Variants in CYFIP1 observed in about 807,000 individuals in gnomAD.
CYFIP1 encodes cytoplasmic FMR1 interacting protein 1, also known as cytoplasmic FMR1-interacting protein 1.
In CYFIP1, 58 loss-of-function variants were observed where a neutral mutation model predicts 163.5. The observed-to-expected ratio is 0.35, with a 90% confidence interval of 0.29 to 0.44. The LOEUF is 0.44. Ranked by LOEUF, CYFIP1 falls within the 20% of genes least tolerant of loss-of-function variation. CYFIP1 has a pLI of 1.00. For synonymous variants in CYFIP1, 663 were observed against 660.7 expected, an observed-to-expected ratio of 1.00 and a Z score of -0.05; for missense variants, 1,338 against 1,653.8, an observed-to-expected ratio of 0.81 and a Z score of 3.31.
At chr15:22,873,753 A>C (rs1261490954) in intron 28 of CYFIP1, 24 bp from the exon 29 acceptor site, 1 of 1,591,468 alleles carries the variant, frequency 6.3e-7, no homozygotes, top group South Asian at 1.1e-5. Context: ...AAGCCGTGGA[A>C]TGCCGTGGGC....
chr15:22,965,922 G>A (rs1333936752), intron 1 of CYFIP1, among the ~76,000 whole-genome samples: 1 of 152,154 alleles, frequency 6.6e-6, no homozygotes, highest in African/African-American at 2.4e-5. Context: ...GCTGAACTGT[G>A]TGCTCTCAAA....
At chr15:22,924,705 T>C (rs141282612) in intron 13 of CYFIP1, among the ~76,000 whole-genome samples, 62 of 123,720 alleles carry the variant, frequency 5.0e-4, no homozygotes, top group African/African-American at 1.9e-3. Flanking sequence ...GGGTGAACTG[T>C]ATGGTTATGT....
chr15:22,971,030 T>G (rs908417525), intron 1 of CYFIP1, among the ~76,000 whole-genome samples: 2 of 151,864 alleles, frequency 1.3e-5, no homozygotes, highest in Non-Finnish European at 2.9e-5. Flanking sequence ...GAGCCGAGAT[T>G]GCGCCACCGC....
intron 27 of CYFIP1, 50 bp from the exon 28 acceptor site, chr15:22,874,694 G>T: frequency 1.6e-6 from 2 of 1,274,088 alleles, no homozygotes; most frequent in African/African-American, 1.5e-5. Context: ...GTATGAAACG[G>T]TAATTGCAAA....
At chr15:22,887,622 C>A (rs2059961274) in intron 23 of CYFIP1, among the ~76,000 whole-genome samples, 1 of 152,168 alleles carries the variant, frequency 6.6e-6, no homozygotes, top group Admixed American at 6.5e-5. Context: ...GGCCTCTGGC[C>A]CCCTGCCCAG....
chr15:22,958,373 AAT>A (rs1460136688), intron 1 of CYFIP1, among the ~76,000 whole-genome samples: 9 of 152,278 alleles, frequency 5.9e-5, no homozygotes, highest in African/African-American at 1.9e-4. Context: ...GGTGTGAGGT[AAT>A]CTGCTTTCTT....
intron 23 of CYFIP1, among the ~76,000 whole-genome samples, chr15:22,888,179 A>G (rs1201026563): frequency 3.3e-5 from 5 of 152,174 alleles, no homozygotes; most frequent in Non-Finnish European, 5.9e-5. Flanking sequence ...GCCCTAGTTC[A>G]CTATTCATAA....
intron 23 of CYFIP1, among the ~76,000 whole-genome samples, chr15:22,884,568 G>A (rs2059877478): frequency 6.6e-6 from 1 of 152,176 alleles, no homozygotes; most frequent in Admixed American, 6.5e-5. Context: ...CCCCCTCCTG[G>A]CTGTTTTCAC....
chr15:22,979,958 C>T (rs1039146938), intron 1 of CYFIP1, among the ~76,000 whole-genome samples: 2 of 152,108 alleles, frequency 1.3e-5, no homozygotes, highest in Admixed American at 6.5e-5. Context: ...GCGCGGAATC[C>T]GGGATCCGGG....
In CYFIP1 at chr15:22,926,025, G is replaced by A. The variant is rs1182995430; in HGVS notation, c.1316C>T (p.Thr439Met). Residue 439 changes from threonine (T) to methionine (M), a missense_variant, in exon 13 of 31, where the codon ACG (threonine) becomes ATG (methionine). Thr to Met is a moderately conservative substitution (Grantham distance 81). Coordinates refer to ENST00000617928, the MANE Select transcript of CYFIP1 (RefSeq NM_014608.6). ...CTCCTCGCTGGTGTAGTTGTAGCGCGTGGCACGCTCGTACTCTTCAGCGCT... is the reference window on the plus strand; with the variant it reads ...CTCCTCGCTGGTGTAGTTGTAGCGCATGGCACGCTCGTACTCTTCAGCGCT... Reference protein sequence around the residue: ...PDSAEEYERATRYNYTSEEKF... With the variant: ...PDSAEEYERAMRYNYTSEEKF... 5 of 1,614,168 alleles carry A rather than the reference G, an allele frequency of 3.1e-6. No individual in the cohort carries two copies. Among genetic ancestry groups the A allele is most frequent in the Admixed American group, 1.7e-5 (1 of 60,022 alleles).
chr15:22,871,464 G>A (rs1364222344), intron 30 of CYFIP1, among the ~76,000 whole-genome samples: 2 of 152,192 alleles, frequency 1.3e-5, no homozygotes, highest in Non-Finnish European at 2.9e-5. Context: ...TAAGACACAT[G>A]AATACAGTAT....
chr15:22,951,661 T>G, intron 1 of CYFIP1: 1 of 809,528 alleles, frequency 1.2e-6, no homozygotes, highest in Non-Finnish European at 1.7e-6. Flanking sequence ...AGAAGACAGG[T>G]CGGACCGAGC....
chr15:22,980,071 G>A (rs925297652), intron 1 of CYFIP1, among the ~76,000 whole-genome samples: 2 of 151,042 alleles, frequency 1.3e-5, no homozygotes, highest in Non-Finnish European at 3.0e-5. Context: ...GGGACCTGGA[G>A]CCCGGGAGGC....
At chr15:22,881,810 C>A in intron 25 of CYFIP1, 36 bp downstream of exon 25, 1 of 1,591,780 alleles carries the variant, frequency 6.3e-7, no homozygotes, top group Non-Finnish European at 8.6e-7. Context: ...GACCTCTCCA[C>A]AGACAGCACT....
Position 22,969,288 on chromosome 15 carries a change from G to A in CYFIP1, c.-7+10999C>T, listed in dbSNP as rs113833354. Among the ~76,000 whole-genome samples the A allele has an allele frequency of 8.4e-3, 1,277 of 152,244 alleles. 26 individuals carry two copies. The highest frequency in any genetic ancestry group is 0.029 in the African/African-American group (1,209 of 41,528). Reference sequence around the variant, plus strand: ...CAACAGACATCACCTCTGCCCCCATGGAGGGCCAAGCCACAGCCCACGGCA... The same window carrying A: ...CAACAGACATCACCTCTGCCCCCATAGAGGGCCAAGCCACAGCCCACGGCA... On this transcript the variant is annotated intron_variant, in intron 1 of 30. Coordinates refer to ENST00000617928, the MANE Select transcript of CYFIP1 (RefSeq NM_014608.6).
intron 29 of CYFIP1, 92 bp downstream of exon 29, chr15:22,873,399 A>G (rs1366143880): frequency 9.4e-6 from 10 of 1,067,646 alleles, no homozygotes; most frequent in Middle Eastern, 4.8e-4. Flanking sequence ...CTTCCTGAGC[A>G]TGGCTGGCTG....
At chr15:22,911,708 A>C (rs1335059575) in intron 18 of CYFIP1, among the ~76,000 whole-genome samples, 2 of 152,190 alleles carry the variant, frequency 1.3e-5, no homozygotes, top group East Asian at 3.9e-4. Flanking sequence ...CACCATTTTC[A>C]GGTGGTCTTT....
chr15:22,910,647 AG>A lies in CYFIP1; in HGVS notation c.2160-20del. 1 of 1,612,030 alleles carries A rather than the reference AG, an allele frequency of 6.2e-7. No homozygotes were observed. Among genetic ancestry groups the A allele is most frequent in the Non-Finnish European group, 8.5e-7 (1 of 1,178,064 alleles). Reference sequence around the variant, plus strand: ...AAGCAAACTAGTGTAGAAGGAAGACAGAAAGTTTTTCATACGCCATAAATTG... The same window carrying A: ...AAGCAAACTAGTGTAGAAGGAAGACAAAAGTTTTTCATACGCCATAAATTG... On this transcript the variant is annotated intron_variant, in intron 19 of 30. Transcript: ENST00000617928.
At position 22,947,181 on chromosome 15, in the gene CYFIP1, C is replaced by A; in HGVS notation, c.105G>T (p.Ser35=). The A allele has an allele frequency of 6.2e-7, 1 of 1,614,040 alleles. No individual in the cohort carries two copies. The highest frequency in any genetic ancestry group is 8.5e-7 in the Non-Finnish European group (1 of 1,179,968). The part of the protein sequence containing the change: ...QQPCIEPPPS[S]LLYQPNFNTN... ...GCTGGGCACCCACCTGGTAGAGCAG[C>A]GAGGATGGCGGGGGCTCGATGCAGG... is the stretch of plus-strand genomic sequence containing the variant. The change falls in exon 2 of 31, where the codon TCG becomes TCT. Residue 35 remains serine (S), a synonymous_variant. Coordinates refer to ENST00000617928, the MANE Select transcript of CYFIP1 (RefSeq NM_014608.6).
Sources: allele counts gnomAD v4.1 joint callset (sites outside exome capture counted in the v4.1 genomes callset), GRCh38; gene constraint gnomAD v4.1.1; transcripts MANE v1.5; gene names NCBI Gene and HGNC (gene_info 2026-07-23, HGNC 2026-07-21).